Variants in NR2C2 observed in about 807,000 individuals in gnomAD.
The protein encoded by NR2C2 is nuclear receptor subfamily 2 group C member 2.
In NR2C2, 6 loss-of-function variants were observed where a neutral mutation model predicts 62.9. The observed-to-expected ratio is 0.10, with a 90% CI of 0.05 to 0.19. The LOEUF is 0.19. Ranked by LOEUF, NR2C2 falls within the 10% of genes least tolerant of loss-of-function variation. The probability of loss-of-function intolerance (pLI) is 1.00; values close to 1 mark genes in which losing one functional copy is unlikely to be tolerated. For synonymous variants in NR2C2, 272 were observed against 273.8 expected, an observed-to-expected ratio of 0.99 and a Z score of 0.07; for missense variants, 479 against 762.7, an observed-to-expected ratio of 0.63 and a Z score of 4.38.
At chr3:15,009,619 C>G (rs186078572) in intron 2 of NR2C2, among the ~76,000 whole-genome samples, 28 of 152,260 alleles carry the variant, frequency 1.8e-4, no homozygotes, top group Non-Finnish European at 3.5e-4. Context: ...TCATTCCCCC[C>G]AGTTTGTTAT....
chr3:14,951,461 T>G (rs2039353091), intron 1 of NR2C2, among the ~76,000 whole-genome samples: 1 of 152,210 alleles, frequency 6.6e-6, no homozygotes, highest in South Asian at 2.1e-4. Context: ...GTTATGGTAT[T>G]TTAAAAATAA....
intron 1 of NR2C2, among the ~76,000 whole-genome samples, chr3:14,960,171 A>G (rs1480799885): frequency 1.3e-5 from 2 of 152,248 alleles, no homozygotes; most frequent in Non-Finnish European, 2.9e-5. Context: ...AAACTGTAAA[A>G]GAAAATAGGG....
At chr3:14,984,907 G>T (rs1574962985) in intron 1 of NR2C2, among the ~76,000 whole-genome samples, 2 of 151,974 alleles carry the variant, frequency 1.3e-5, no homozygotes, top group South Asian at 4.1e-4. Flanking sequence ...TTGCAGTGCA[G>T]GAGAGTTCTA....
chr3:15,018,029 C>A (rs1214241660), intron 4 of NR2C2, among the ~76,000 whole-genome samples: 2 of 151,978 alleles, frequency 1.3e-5, no homozygotes, highest in African/African-American at 4.8e-5. Flanking sequence ...GATGGAGTCT[C>A]ACTCTGTCCC....
intron 1 of NR2C2, among the ~76,000 whole-genome samples, chr3:14,983,751 T>C (rs2040440187): frequency 6.6e-6 from 1 of 152,226 alleles, no homozygotes; most frequent in Non-Finnish European, 1.5e-5. Context: ...TGGTTAAGAC[T>C]ATTCGGATTT....
intron 9 of NR2C2, 57 bp downstream of exon 9, chr3:15,030,509 C>G (rs1348461369): frequency 6.8e-7 from 1 of 1,473,194 alleles, no homozygotes; most frequent in Non-Finnish European, 9.0e-7. Context: ...AGGTTCTGTA[C>G]CAAAGCCGAT....
At chr3:14,949,631 C>T (rs2125193853) in intron 1 of NR2C2, among the ~76,000 whole-genome samples, 1 of 152,292 alleles carries the variant, frequency 6.6e-6, no homozygotes, top group Non-Finnish European at 1.5e-5. Flanking sequence ...TCAAATCCTT[C>T]GTCAGCCTCT....
In NR2C2 at chr3:15,030,261, A is replaced by G. The variant is rs2041945088; in HGVS notation, c.933-14A>G. The G allele has an allele frequency of 6.2e-7, 1 of 1,604,948 alleles. No homozygotes were observed. The highest frequency in any genetic ancestry group is 2.2e-5 in the East Asian group (1 of 44,514). On this transcript the variant is annotated splice_polypyrimidine_tract_variant and intron_variant, in intron 8 of 13. Transcript: ENST00000425241. Reference sequence around the variant, plus strand: ...TAGATTCACAACAATTACATGCTTCATTTTTGCTCACAGGGCATTTGATAC... The same window carrying G: ...TAGATTCACAACAATTACATGCTTCGTTTTTGCTCACAGGGCATTTGATAC...
intron 7 of NR2C2, among the ~76,000 whole-genome samples, chr3:15,025,139 G>A (rs1250053024): frequency 6.6e-6 from 1 of 152,230 alleles, no homozygotes; most frequent in Non-Finnish European, 1.5e-5. Context: ...ACACATTCTA[G>A]AACAGTGGCT....
At chr3:14,976,756 T>C (rs999611674) in intron 1 of NR2C2, among the ~76,000 whole-genome samples, 5 of 152,102 alleles carry the variant, frequency 3.3e-5, no homozygotes, top group Non-Finnish European at 7.4e-5. Flanking sequence ...AATAGAAATC[T>C]AAGTTGAAAA....
chr3:15,027,873 C>CT (rs796629639), intron 7 of NR2C2, among the ~76,000 whole-genome samples: 162 of 146,298 alleles, frequency 1.1e-3, no homozygotes, highest in Middle Eastern at 3.6e-3. Flanking sequence ...GCTCTTTTTC[C>CT]TTTTTTTTTT....
intron 7 of NR2C2, among the ~76,000 whole-genome samples, chr3:15,027,218 C>G (rs140393452): frequency 2.0e-5 from 3 of 152,188 alleles, no homozygotes; most frequent in African/African-American, 7.2e-5. Flanking sequence ...AGGCTGGTCT[C>G]GAACTCCTGA....
At chr3:14,985,469 A>C (rs997696075) in intron 1 of NR2C2, among the ~76,000 whole-genome samples, 9 of 152,094 alleles carry the variant, frequency 5.9e-5, no homozygotes, top group African/African-American at 2.2e-4. Flanking sequence ...AGAGGATCTG[A>C]TCTTTATGAT....
intron 13 of NR2C2, 121 bp downstream of exon 13, chr3:15,039,348 G>GGATC (rs1432007542): frequency 1.5e-6 from 1 of 677,156 alleles, no homozygotes; most frequent in East Asian, 2.7e-5. Flanking sequence ...AGCCTCCATT[G>GGATC]GATCACACTC....
At chr3:14,975,974 A>T (rs1286557351) in intron 1 of NR2C2, among the ~76,000 whole-genome samples, 1 of 152,062 alleles carries the variant, frequency 6.6e-6, no homozygotes, top group East Asian at 1.9e-4. Context: ...GGGTTTCGCC[A>T]TGTTGCCCGG....
chr3:14,982,731 T>C (rs955041866), intron 1 of NR2C2, among the ~76,000 whole-genome samples: 1 of 152,168 alleles, frequency 6.6e-6, no homozygotes, highest in African/African-American at 2.4e-5. Flanking sequence ...AATGACAGTC[T>C]TATCTTTTTC....
At position 15,046,337 on chromosome 3, in the gene NR2C2, T is replaced by C. The variant is rs946681830; in HGVS notation, c.*3329T>C. On this transcript the variant is annotated 3_prime_UTR_variant, in exon 14 of 14. Transcript: ENST00000425241. The stretch of plus-strand genomic sequence containing the variant: ...TCTGAGGCAGTTAGGACACCAGCCA[T>C]GGTGTTAACAGTGGATGCGTTAGGC... The C allele has an allele frequency of 1.3e-5, 2 of 152,260 alleles. No individual in the cohort carries two copies. The highest frequency in any genetic ancestry group is 1.5e-5 in the Non-Finnish European group (1 of 68,046). The allele number at this position is 152,260 out of a possible 1,614,324, so 9.4% of individuals were successfully genotyped here.
chr3:14,948,866 A>C (rs2039243636), intron 1 of NR2C2: 1 of 152,034 alleles, frequency 6.6e-6, no homozygotes, highest in Non-Finnish European at 1.5e-5. Flanking sequence ...ATCGACTGTA[A>C]ATGGGGGGCA....
chr3:15,026,543 T>C (rs1291906276), intron 7 of NR2C2: 1 of 152,168 alleles, frequency 6.6e-6, no homozygotes, highest in Admixed American at 6.6e-5. Flanking sequence ...GCTTTCTGAC[T>C]CTATGGTTTT....
Sources: gnomAD v4.1 joint callset for allele counts (sites outside exome capture counted in the v4.1 genomes callset) on GRCh38, gnomAD v4.1.1 for gene constraint, MANE v1.5 for transcripts, NCBI Gene and HGNC (gene_info 2026-07-23, HGNC 2026-07-21) for gene names.